COL22A1: variants seen among roughly 807,000 people sequenced by gnomAD.
COL22A1 encodes the protein collagen type XXII alpha 1 chain, also known as collagen alpha-1(XXII) chain.
In COL22A1, 221 loss-of-function variants were observed where a neutral mutation model predicts 248.9. The observed-to-expected ratio is 0.89, with a 90% CI of 0.80 to 0.99. The LOEUF (loss-of-function observed/expected upper bound fraction) is 0.99. COL22A1 is among the 50% of genes least tolerant of loss of function. The probability of loss-of-function intolerance (pLI) is 0.00; values close to 1 mark genes in which losing one functional copy is unlikely to be tolerated. For missense variants in COL22A1, 2,240 were observed against 2,179.0 expected (o/e 1.03, Z -0.56); for synonymous variants, 891 against 793.4 (o/e 1.12, Z -2.07).
intron 3 of COL22A1, among the ~76,000 whole-genome samples, chr8:138,870,158 T>C (rs1253138325): frequency 2.0e-5 from 3 of 151,528 alleles, no homozygotes; most frequent in Non-Finnish European, 4.4e-5. Context: ...GGTGTGCCTG[T>C]GTGTGGGTGT....
At chr8:138,590,600 A>C (rs1321547625) in intron 64 of COL22A1, among the ~76,000 whole-genome samples, 2 of 152,196 alleles carry the variant, frequency 1.3e-5, no homozygotes, top group Admixed American at 6.5e-5. Context: ...CCACTTTAGA[A>C]AATTTGGAAA....
At chr8:138,809,421 A>C (rs1286834682) in intron 9 of COL22A1, among the ~76,000 whole-genome samples, 1 of 152,218 alleles carries the variant, frequency 6.6e-6, no homozygotes, top group Non-Finnish European at 1.5e-5. Context: ...TGATTAAGTC[A>C]TTATTGAATC....
At chr8:138,740,248 G>A (rs953292757) in intron 22 of COL22A1, among the ~76,000 whole-genome samples, 1 of 152,214 alleles carries the variant, frequency 6.6e-6, no homozygotes, top group Admixed American at 6.5e-5. Context: ...TAGAATCCAA[G>A]CCAGCAATGT....
chr8:138,788,189 C>A (rs1422212208), intron 12 of COL22A1, among the ~76,000 whole-genome samples: 1 of 152,168 alleles, frequency 6.6e-6, no homozygotes, highest in African/African-American at 2.4e-5. Flanking sequence ...CCCAGACATA[C>A]TAAATCAGAC....
chr8:138,694,511 T>G lies in COL22A1; in HGVS notation c.2697A>C (p.Pro899=). Reference sequence around the variant, plus strand: ...GGGGAAGGGATGGTTTTCTTACCGGTGGTCCAGTGGGTCCCTGAGGCCCCA... The same window carrying G: ...GGGGAAGGGATGGTTTTCTTACCGGGGGTCCAGTGGGTCCCTGAGGCCCCA... The part of the protein sequence containing the change: ...GELGPQGPTG[P]PGAKGQEGAH... Residue 899 remains proline (P), a synonymous_variant, in exon 34 of 65, where the codon CCA becomes CCC. Transcript: ENST00000303045. 1 of 1,614,018 alleles carries G rather than the reference T, an allele frequency of 6.2e-7. No individual in the cohort carries two copies. Among genetic ancestry groups the G allele is most frequent in the Non-Finnish European group, 8.5e-7 (1 of 1,179,950 alleles).
Position 138,821,274 on chromosome 8 carries a change from C to T in COL22A1, c.1107G>A (p.Leu369=), listed in dbSNP as rs762002714. 6.2e-7 allele frequency: 1 copy of T among 1,614,198 alleles called. No homozygotes were observed. The highest frequency in any genetic ancestry group is 1.7e-5 in the Admixed American group (1 of 60,026). ...GGGAGACGTTCTGGGCCTGGATGCT[C>T]AGGGCCATCTTGTGCCAGTCCCGGT... The part of the protein sequence containing the change: ...LFDRDWHKMA[L]SIQAQNVSLH... The change falls in exon 7 of 65, where the codon CTG becomes CTA. Residue 369 remains leucine, a synonymous_variant. Transcript: ENST00000303045.
chr8:138,802,509 A>G (rs1817083480), intron 11 of COL22A1, among the ~76,000 whole-genome samples: 1 of 151,990 alleles, frequency 6.6e-6, no homozygotes, highest in Admixed American at 6.6e-5. Context: ...GGGAAGAGAA[A>G]ACAGGGGTGG....
chr8:138,621,176 G>GT (rs1819775293), intron 52 of COL22A1, among the ~76,000 whole-genome samples: 1 of 152,244 alleles, frequency 6.6e-6, no homozygotes, highest in Non-Finnish European at 1.5e-5. Context: ...ACCCAGGGAG[G>GT]TGTCTGCCTC....
chr8:138,724,583 A>G, intron 25 of COL22A1, 32 bp downstream of exon 25: 1 of 1,605,822 alleles, frequency 6.2e-7, no homozygotes, highest in Non-Finnish European at 8.5e-7. Flanking sequence ...GAGAGGGAGG[A>G]GGGGAGCAGG....
In COL22A1 at chr8:138,878,258, G is replaced by A. The variant is rs763850459; in HGVS notation, c.150C>T (p.Gly50=). ...GCCGGACCTTCTCAAAGTCCTCCTT[G>A]CCCACGCTGGAGGAGGTGTCCAGGA... is the stretch of plus-strand genomic sequence containing the variant. ...VFLLDTSSSV[G]KEDFEKVRQW... is the part of the protein sequence containing the mutation. The change falls in exon 3 of 65, where the codon GGC becomes GGT. Residue 50 remains glycine (G), a synonymous_variant. Coordinates refer to ENST00000303045, the MANE Select transcript of COL22A1 (RefSeq NM_152888.3). The A allele has an allele frequency of 1.9e-6, 3 of 1,585,630 alleles. No individual in the cohort carries two copies. The highest frequency in any genetic ancestry group is 2.3e-5 in the South Asian group (2 of 86,176).
chr8:138,760,127 T>C (rs1833334466), intron 18 of COL22A1, 116 bp downstream of exon 18: 2 of 697,684 alleles, frequency 2.9e-6, no homozygotes, highest in Non-Finnish European at 4.4e-6. Context: ...TTGTGTGTGC[T>C]TTGTTCCCAG....
intron 2 of COL22A1, among the ~76,000 whole-genome samples, chr8:138,878,540 C>T (rs1213086141): frequency 6.6e-6 from 1 of 152,156 alleles, no homozygotes; most frequent in Non-Finnish European, 1.5e-5. Flanking sequence ...TGAGGCTCAA[C>T]TGACAGTAGG....
intron 49 of COL22A1, 92 bp from the exon 50 acceptor site, chr8:138,630,840 T>C: frequency 8.9e-7 from 1 of 1,121,344 alleles, no homozygotes; most frequent in South Asian, 1.2e-5. Flanking sequence ...ATTGATATGG[T>C]TGGTTATCTG....
At chr8:138,716,366 G>C in intron 28 of COL22A1, 77 bp from the exon 29 acceptor site, 1 of 976,788 alleles carries the variant, frequency 1.0e-6, no homozygotes. Flanking sequence ...TGTGCTCTCA[G>C]TTCCTGCTCT....
At chr8:138,896,937 C>T (rs560726447) in intron 1 of COL22A1, among the ~76,000 whole-genome samples, 1 of 151,798 alleles carries the variant, frequency 6.6e-6, no homozygotes, top group East Asian at 2.0e-4. Context: ...TGTGCCACTG[C>T]ACTCCAGCCT....
In COL22A1 at chr8:138,589,368, G is replaced by C; in HGVS notation, c.4766C>G (p.Pro1589Arg). 1 of 1,609,932 alleles carries C rather than the reference G, an allele frequency of 6.2e-7. No individual in the cohort carries two copies. The highest frequency in any genetic ancestry group is 8.5e-7 in the Non-Finnish European group (1 of 1,178,030). ...GIPGPQGETG[P>R]AGHPGLPGPP... is the part of the protein sequence containing the mutation. The stretch of plus-strand genomic sequence containing the variant: ...TCCTGGGAGGCCAGGATGTCCAGCT[G>C]GTCCTGTCTCCCCTTGAGGGCCAGG... The change falls in exon 65 of 65, where the codon CCA becomes CGA. Residue 1589 changes from proline to arginine, a missense_variant. Coordinates refer to ENST00000303045, the MANE Select transcript of COL22A1 (RefSeq NM_152888.3).
At chr8:138,623,852 G>T in intron 51 of COL22A1, 67 bp from the exon 52 acceptor site, 1 of 1,401,232 alleles carries the variant, frequency 7.1e-7, no homozygotes, top group Non-Finnish European at 9.9e-7. Flanking sequence ...GACGAAGGCA[G>T]TTTCAGCATG....
intron 51 of COL22A1, among the ~76,000 whole-genome samples, chr8:138,625,260 G>A (rs1314634197): frequency 6.6e-6 from 1 of 152,120 alleles, no homozygotes; most frequent in African/African-American, 2.4e-5. Context: ...GAAGGGAAGA[G>A]GCATCCTGGT....
At chr8:138,844,005 C>A in intron 4 of COL22A1, 79 bp downstream of exon 4, 2 of 1,295,426 alleles carry the variant, frequency 1.5e-6, no homozygotes, top group Non-Finnish European at 2.2e-6. Context: ...GAGGCCACCC[C>A]TGAATTGACT....
Sources: gnomAD v4.1 joint callset for allele counts (sites outside exome capture counted in the v4.1 genomes callset) on GRCh38, gnomAD v4.1.1 for gene constraint, MANE v1.5 for transcripts, NCBI Gene and HGNC (gene_info 2026-07-23, HGNC 2026-07-21) for gene names.